TMTC4: variants seen among roughly 807,000 people sequenced by gnomAD.
TMTC4 encodes protein O-mannosyl-transferase TMTC4.
Under a neutral mutation model 86.0 loss-of-function variants are expected in TMTC4, and 65 were observed. The observed-to-expected ratio is 0.76, with a 90% CI of 0.62 to 0.93. TMTC4 has a LOEUF of 0.93. TMTC4 is among the 40% of genes least tolerant of loss of function. TMTC4 has a pLI of 0.00. For missense variants in TMTC4, 866 were observed against 948.1 expected, an observed-to-expected ratio of 0.91 and a Z score of 1.14; for synonymous variants, 379 against 382.5, an observed-to-expected ratio of 0.99 and a Z score of 0.11.
At chr13:100,655,011 C>A (rs2786956) in intron 6 of TMTC4, among the ~76,000 whole-genome samples, 1 of 141,662 alleles carries the variant, frequency 7.1e-6, no homozygotes, top group Non-Finnish European at 1.5e-5. Context: ...AAAGCCACAA[C>A]GCCTATTTTT....
intron 6 of TMTC4, among the ~76,000 whole-genome samples, chr13:100,649,821 T>C (rs1159538543): frequency 3.3e-5 from 5 of 151,628 alleles, no homozygotes; most frequent in Non-Finnish European, 5.9e-5. Flanking sequence ...TTAAAAACTA[T>C]GGAGAAGATC....
intron 15 of TMTC4, among the ~76,000 whole-genome samples, chr13:100,623,645 G>T (rs9513773): frequency 0.74 from 83,502 of 113,552 alleles, 30,210 homozygotes; most frequent in East Asian, 0.98. Context: ...GTTGGGTTTT[G>T]TTTTTTTTTT....
intron 6 of TMTC4, among the ~76,000 whole-genome samples, chr13:100,643,555 G>A (rs1444363789): frequency 6.6e-6 from 1 of 152,230 alleles, no homozygotes; most frequent in Non-Finnish European, 1.5e-5. Context: ...CAACACATAA[G>A]AAATTGACTA....
At chr13:100,674,178 G>C in intron 1 of TMTC4, 1 of 972,122 alleles carries the variant, frequency 1.0e-6, no homozygotes, top group Non-Finnish European at 1.2e-6. Context: ...CCGGGCGCCC[G>C]GGCCGGTGGC....
At chr13:100,642,165 A>AAG in intron 7 of TMTC4, 46 bp downstream of exon 7, 2 of 1,600,952 alleles carry the variant, frequency 1.2e-6, no homozygotes, top group Non-Finnish European at 1.7e-6. Flanking sequence ...TAGGAGGGAA[A>AAG]AGGACACACA....
rs768509974 is a variant in TMTC4, at chr13:100,664,246, G to A, written c.310C>T (p.Arg104Trp). 23 of 1,611,548 alleles carry A rather than the reference G, an allele frequency of 1.4e-5. No homozygotes were observed. The highest frequency in any genetic ancestry group is 2.2e-5 in the South Asian group (2 of 90,740). Reference sequence around the variant, plus strand: ...CTGAAAGTCAGGACGGTGAGAGGCCGGTAGGACTTGTGGCTGGTGTTGCTG... The same window carrying A: ...CTGAAAGTCAGGACGGTGAGAGGCCAGTAGGACTTGTGGCTGGTGTTGCTG... Reference protein sequence around the residue: ...LSSNTSHKSYRPLTVLTFRIN... With the variant: ...LSSNTSHKSYWPLTVLTFRIN... Residue 104 changes from arginine to tryptophan, a missense_variant, in exon 4 of 19, where the codon CGG becomes TGG. Arg to Trp is a moderately radical substitution (Grantham distance 101). Coordinates refer to ENST00000342624, the MANE Select transcript of TMTC4 (RefSeq NM_032813.5).
chr13:100,609,062 T>C lies in TMTC4; in HGVS notation c.2065-2635A>G, dbSNP rs533254934. 2.0e-5 allele frequency among the ~76,000 whole-genome samples: 3 copies of C among 152,122 alleles called. No homozygotes were observed. In the East Asian group the frequency reaches 5.8e-4, roughly 30 times the overall value. ...AGAATAGGAAGGGTAACATGGGAGA[T>C]CTGATGAGAAGTTGAAACCGTGACT... On this transcript the variant is annotated intron_variant, in intron 17 of 18. Coordinates refer to ENST00000342624, the MANE Select transcript of TMTC4 (RefSeq NM_032813.5).
intron 12 of TMTC4, among the ~76,000 whole-genome samples, chr13:100,626,666 A>G (rs577305036): frequency 7.2e-5 from 11 of 151,768 alleles, no homozygotes; most frequent in Non-Finnish European, 1.0e-4. Flanking sequence ...TCACCTACAC[A>G]CTCCACTAGA....
At chr13:100,666,458 G>C (rs1211510208) in intron 3 of TMTC4, among the ~76,000 whole-genome samples, 1 of 152,142 alleles carries the variant, frequency 6.6e-6, no homozygotes, top group Non-Finnish European at 1.5e-5. Flanking sequence ...GGCTTCATCT[G>C]CCTCACCTCA....
chr13:100,658,521 C>A (rs1885388082), intron 5 of TMTC4, among the ~76,000 whole-genome samples: 1 of 151,806 alleles, frequency 6.6e-6, no homozygotes, highest in Non-Finnish European at 1.5e-5. Flanking sequence ...CCACAGAGAA[C>A]AGGGTCACAG....
In TMTC4 at chr13:100,635,167, C is replaced by G; in HGVS notation, c.1231G>C (p.Val411Leu). The G allele has an allele frequency of 1.2e-6, 2 of 1,610,404 alleles. No individual in the cohort carries two copies. Among genetic ancestry groups the G allele is most frequent in the Non-Finnish European group, 1.7e-6 (2 of 1,178,520 alleles). Residue 411 changes from valine (V) to leucine (L), a missense_variant, in exon 11 of 19, where the codon GTT becomes CTT. By Grantham distance (32) the Val-to-Leu change is conservative. Transcript: ENST00000342624. ...RILTLGLGFLVIPFLPASNLF... is the reference protein window; with the variant it reads ...RILTLGLGFLLIPFLPASNLF... ...TTACTCGCGGGGAGAAATGGGATAA[C>G]GAGAAATCCCAGGCCCAGAGTAAGG... is the stretch of plus-strand genomic sequence containing the variant.
chr13:100,656,810 G>A (rs1165788133), intron 5 of TMTC4, among the ~76,000 whole-genome samples: 1 of 152,048 alleles, frequency 6.6e-6, no homozygotes, highest in African/African-American at 2.4e-5. Flanking sequence ...TCTCAAAGTG[G>A]TGGGATTACA....
At position 100,609,668 on chromosome 13, in the gene TMTC4, A is replaced by AGT. The variant is rs1555337936; in HGVS notation, c.2064+2729_2064+2730insAC. On this transcript the variant is annotated intron_variant, in intron 17 of 18. Transcript: ENST00000342624. The stretch of plus-strand genomic sequence containing the variant: ...TCACTGAATGATTGAATGCTCACTA[A>AGT]ATGTATATATATACACACACACACA... 1.8e-4 allele frequency among the ~76,000 whole-genome samples: 22 copies of AGT among 125,190 alleles called. No homozygotes were observed. The East Asian group carries it at 3.0e-3, about 17-fold the overall frequency. The allele number at this position is 125,190 out of a possible 152,430, so 82.1% of individuals were successfully genotyped here.
intron 6 of TMTC4, among the ~76,000 whole-genome samples, chr13:100,645,001 G>A (rs1883533931): frequency 6.6e-6 from 1 of 152,112 alleles, no homozygotes; most frequent in Non-Finnish European, 1.5e-5. Flanking sequence ...TTTTAGTAGA[G>A]ACGGGGTTCA....
At chr13:100,652,064 C>T (rs1282280480) in intron 6 of TMTC4, among the ~76,000 whole-genome samples, 2 of 152,194 alleles carry the variant, frequency 1.3e-5, no homozygotes, top group African/African-American at 4.8e-5. Context: ...TGGCTGGAGG[C>T]TGAGACAGGA....
chr13:100,623,053 C>G (rs1879791169), intron 15 of TMTC4, among the ~76,000 whole-genome samples: 1 of 152,116 alleles, frequency 6.6e-6, no homozygotes, highest in Admixed American at 6.5e-5. Flanking sequence ...TGGTAAAAAC[C>G]AAAGCCTGGT....
chr13:100,639,116 T>C (rs1268099284), intron 7 of TMTC4, among the ~76,000 whole-genome samples: 1 of 152,196 alleles, frequency 6.6e-6, no homozygotes, highest in African/African-American at 2.4e-5. Flanking sequence ...CAGTGGATAT[T>C]GTTAAAGCTG....
intron 6 of TMTC4, among the ~76,000 whole-genome samples, 167 bp from the exon 7 acceptor site, chr13:100,642,478 C>T (rs957091806): frequency 7.2e-5 from 11 of 152,112 alleles, no homozygotes; most frequent in African/African-American, 2.2e-4. Flanking sequence ...TAGACAACAC[C>T]TTCTAAATGG....
chr13:100,613,457 G>A (rs558336269), intron 16 of TMTC4, among the ~76,000 whole-genome samples: 3 of 152,268 alleles, frequency 2.0e-5, no homozygotes, highest in East Asian at 3.9e-4. Context: ...TCTTCAAGTC[G>A]ATTAGCATTA....
Sources: allele counts gnomAD v4.1 joint callset (sites outside exome capture counted in the v4.1 genomes callset), GRCh38; gene constraint gnomAD v4.1.1; transcripts MANE v1.5; gene names NCBI Gene and HGNC (gene_info 2026-07-23, HGNC 2026-07-21).